Variants in ACYP2 observed in about 807,000 individuals in gnomAD.
The protein encoded by ACYP2 is acylphosphatase 2.
In ACYP2, 12 loss-of-function variants were observed where a neutral mutation model predicts 11.2. The ratio of observed to expected loss-of-function variants is 1.08; its 90% CI spans 0.69 to 1.74. The LOEUF (loss-of-function observed/expected upper bound fraction) is 1.74, where lower values mean the gene tolerates loss of function less well. Ranked by LOEUF, ACYP2 falls within the 40% of genes most tolerant of loss-of-function variation. The pLI is 0.00. For synonymous variants in ACYP2, 43 were observed against 32.2 expected, an observed-to-expected ratio of 1.33 and a Z score of -1.13; for missense variants, 134 against 101.9, an observed-to-expected ratio of 1.31 and a Z score of -1.35.
At chr2:54,108,254 T>A (rs1289421784) in intron 4 of ACYP2, among the ~76,000 whole-genome samples, 1 of 152,246 alleles carries the variant, frequency 6.6e-6, no homozygotes, top group African/African-American at 2.4e-5. Flanking sequence ...ATTGCAAGAA[T>A]GTCCAGGGTT....
intron 4 of ACYP2, among the ~76,000 whole-genome samples, chr2:54,089,484 C>A (rs966620510): frequency 6.6e-6 from 1 of 151,968 alleles, no homozygotes; most frequent in African/African-American, 2.4e-5. Context: ...CAGTGGCTCA[C>A]TCTCGTAATC....
chr2:54,157,847 C>CA (rs1682503472), intron 6 of ACYP2, among the ~76,000 whole-genome samples: 1 of 152,088 alleles, frequency 6.6e-6, no homozygotes, highest in South Asian at 2.1e-4. Context: ...AGGAGGCTGT[C>CA]AGTGCAGAGG....
intron 4 of ACYP2, among the ~76,000 whole-genome samples, chr2:54,111,484 A>C (rs1679458376): frequency 7.1e-6 from 1 of 141,394 alleles, no homozygotes; most frequent in Admixed American, 6.8e-5. Flanking sequence ...GACTGTGACA[A>C]AGAAAAATTG....
chr2:54,192,088 C>G (rs894454705), intron 6 of ACYP2, among the ~76,000 whole-genome samples: 7 of 151,906 alleles, frequency 4.6e-5, no homozygotes, highest in African/African-American at 1.7e-4. Flanking sequence ...TTAAGGACTC[C>G]CAAATTTAAA....
chr2:54,182,921 G>GAT (rs1683807936), intron 6 of ACYP2, among the ~76,000 whole-genome samples: 1 of 152,166 alleles, frequency 6.6e-6, no homozygotes, highest in South Asian at 2.1e-4. Flanking sequence ...AAGGATAAAG[G>GAT]ATATCTATGT....
intron 4 of ACYP2, among the ~76,000 whole-genome samples, chr2:54,096,850 G>T (rs918452466): frequency 6.6e-6 from 1 of 152,064 alleles, no homozygotes; most frequent in Admixed American, 6.6e-5. Context: ...AGACCGTGGG[G>T]AGAGGGAGAG....
At chr2:54,208,992 T>A (rs1685213741) in intron 6 of ACYP2, among the ~76,000 whole-genome samples, 2 of 152,104 alleles carry the variant, frequency 1.3e-5, no homozygotes, top group Non-Finnish European at 2.9e-5. Flanking sequence ...TTTACTTTTT[T>A]TTTTTGGCAA....
chr2:54,168,873 A>G (rs932024110), intron 6 of ACYP2, among the ~76,000 whole-genome samples: 1 of 152,208 alleles, frequency 6.6e-6, no homozygotes, highest in Non-Finnish European at 1.5e-5. Flanking sequence ...TGAGGATGAC[A>G]AAGTCAAAAT....
chr2:54,030,858 A>G (rs989044257), intron 2 of ACYP2, among the ~76,000 whole-genome samples: 4 of 152,186 alleles, frequency 2.6e-5, no homozygotes, highest in African/African-American at 9.7e-5. Flanking sequence ...CCTTCAGTAG[A>G]AATATAAACA....
chr2:54,229,432 T>C (rs1296104923), intron 6 of ACYP2, among the ~76,000 whole-genome samples: 3 of 152,218 alleles, frequency 2.0e-5, no homozygotes, highest in African/African-American at 7.2e-5. Flanking sequence ...AATAATTTGA[T>C]ATGAAATTAT....
chr2:54,122,231 C>T (rs1289755831), intron 4 of ACYP2, among the ~76,000 whole-genome samples: 1 of 152,200 alleles, frequency 6.6e-6, no homozygotes, highest in Non-Finnish European at 1.5e-5. Flanking sequence ...AAGGTGTTGA[C>T]ATTTAAAACT....
At chr2:53,989,924 T>C (rs1465442024) in intron 2 of ACYP2, among the ~76,000 whole-genome samples, 1 of 152,160 alleles carries the variant, frequency 6.6e-6, no homozygotes, top group East Asian at 1.9e-4. Context: ...TGTTTGAGAA[T>C]GTTTTCATCA....
intron 6 of ACYP2, among the ~76,000 whole-genome samples, chr2:54,249,890 G>A (rs7567531): frequency 0.016 from 2,152 of 137,706 alleles, 67 homozygotes; most frequent in African/African-American, 0.055. Context: ...GCAGTGAGCT[G>A]TGATTGTACC....
At chr2:54,083,132 A>G (rs1276761644) in intron 4 of ACYP2, among the ~76,000 whole-genome samples, 3 of 152,124 alleles carry the variant, frequency 2.0e-5, no homozygotes, top group Non-Finnish European at 2.9e-5. Flanking sequence ...AGAGGAAACT[A>G]GAGACTTGCA....
intron 4 of ACYP2, among the ~76,000 whole-genome samples, chr2:54,101,101 C>T (rs1393612564): frequency 6.6e-6 from 1 of 152,090 alleles, no homozygotes; most frequent in African/African-American, 2.4e-5. Flanking sequence ...GAGGACCCCA[C>T]GGAGCCTCAA....
chr2:54,119,779 A>G (rs894453638), intron 4 of ACYP2, among the ~76,000 whole-genome samples: 2 of 152,194 alleles, frequency 1.3e-5, no homozygotes, highest in South Asian at 2.1e-4. Flanking sequence ...ACTTTTTTCA[A>G]GGTTTCCTTA....
chr2:54,217,383 T>A (rs1001809580), intron 6 of ACYP2, among the ~76,000 whole-genome samples: 1 of 152,182 alleles, frequency 6.6e-6, no homozygotes, highest in African/African-American at 2.4e-5. Flanking sequence ...TTTGTTTGTT[T>A]TGAGACAGGG....
At chr2:54,253,628 G>A (rs1687341235) in intron 6 of ACYP2, 1 of 152,220 alleles carries the variant, frequency 6.6e-6, no homozygotes, top group African/African-American at 2.4e-5. Flanking sequence ...TCAACCCAGT[G>A]TAAATTCTAG....
intron 2 of ACYP2, among the ~76,000 whole-genome samples, chr2:54,002,414 T>C (rs2104528436): frequency 6.6e-6 from 1 of 151,460 alleles, no homozygotes; most frequent in Admixed American, 6.6e-5. Context: ...GGCACAATCT[T>C]GGCTCACTGC....
Sources: allele counts gnomAD v4.1 joint callset (sites outside exome capture counted in the v4.1 genomes callset), GRCh38; gene constraint gnomAD v4.1.1; transcripts MANE v1.5; gene names NCBI Gene and HGNC (gene_info 2026-07-23, HGNC 2026-07-21).